The following APOL4 variants were observed in gnomAD, a reference collection of about 807,000 sequenced individuals.
APOL4 encodes the protein apolipoprotein L, 4.
APOL4 carries 14 observed loss-of-function variants against 12.1 expected under a neutral mutation model. The ratio of observed to expected loss-of-function variants is 1.16; its 90% confidence interval spans 0.76 to 1.81. The LOEUF (loss-of-function observed/expected upper bound fraction) is 1.81. Among genes scored for constraint, APOL4 ranks in the 40% most tolerant of loss-of-function variants. The pLI, the probability that APOL4 is intolerant of heterozygous loss-of-function variation, is 0.00. For missense variants in APOL4, 432 were observed against 423.1 expected (o/e 1.02, Z -0.18); for synonymous variants, 171 against 160.6 (o/e 1.06, Z -0.49).
chr22:36,197,748 A>T (rs1440377422), intron 2 of APOL4: 1 of 1,550,360 alleles, frequency 6.5e-7, no homozygotes. Context: ...CAAGAACTCC[A>T]GGCAGCAGGT....
intron 2 of APOL4, chr22:36,197,779 G>A: frequency 6.4e-7 from 1 of 1,550,466 alleles, no homozygotes; most frequent in Non-Finnish European, 8.7e-7. Context: ...GACACAGAAG[G>A]AGCTGCTGTA....
chr22:36,201,703 A>T lies in APOL4; in HGVS notation c.32T>A (p.Val11Asp). The T allele has an allele frequency of 6.2e-7, 1 of 1,607,184 alleles. No individual in the cohort carries two copies. The highest frequency in any genetic ancestry group is 1.7e-5 in the Admixed American group (1 of 59,204). ...AGAGCTGGGGCCTCGGACTCACCCG[A>T]CGCTTGTGATGAGCTGCACCCAGGA... MGSWVQLITS[V>D]GVQQNHPGWT... Residue 11 changes from valine (V) to aspartate (D), a missense_variant, in exon 1 of 4, where the codon GTC becomes GAC. Val to Asp is a radical substitution (Grantham distance 152, BLOSUM62 -3). Coordinates refer to ENST00000683024, the MANE Select transcript of APOL4 (RefSeq NM_001386885.1).
chr22:36,203,804 C>G (rs373070181), upstream of APOL4, among the ~76,000 whole-genome samples: 9 of 152,222 alleles, frequency 5.9e-5, no homozygotes, highest in African/African-American at 2.2e-4. Context: ...GCTGTTGGTT[C>G]GTTCTGGCAG....
upstream of APOL4, among the ~76,000 whole-genome samples, chr22:36,203,422 T>A (rs901415309): frequency 5.3e-5 from 8 of 152,300 alleles, no homozygotes; most frequent in African/African-American, 1.7e-4. Context: ...CATTCGTATG[T>A]AGAAGTACAG....
chr22:36,201,565 G>A lies in APOL4; in HGVS notation c.35+135C>T, dbSNP rs132726. 2.8e-5 allele frequency: 32 copies of A among 1,144,050 alleles called. 2 individuals are homozygous for A. Among genetic ancestry groups the A allele is most frequent in the South Asian group, 1.0e-4 (7 of 69,728 alleles). The allele number at this position is 1,144,050 out of a possible 1,614,324, so 70.9% of individuals were successfully genotyped here. On this transcript the variant is annotated intron_variant, in intron 1 of 3. Coordinates refer to ENST00000683024, the MANE Select transcript of APOL4 (RefSeq NM_001386885.1). ...GGTGACAGGAGAGGGGCATCCCTTC[G>A]CCTTCTTCCTGCTTTGTTCACTGTG...
At position 36,190,953 on chromosome 22, in the gene APOL4, T is replaced by C; in HGVS notation, c.*122A>G. On this transcript the variant is annotated 3_prime_UTR_variant, in exon 4 of 4. Transcript: ENST00000683024. ...TGCGGTAAAGACAGGCATAGGAAAT[T>C]ATAAAAGTATTAATTTGGGGAACTA... 1.1e-6 allele frequency: 1 copy of C among 897,004 alleles called. No individual in the cohort carries two copies. The highest frequency in any genetic ancestry group is 1.7e-6 in the Non-Finnish European group (1 of 605,962). The allele number at this position is 897,004 out of a possible 1,614,324, so 55.6% of individuals were successfully genotyped here. A position where few individuals can be genotyped will look rare whatever the true frequency, so the allele number is the denominator to read the frequency against.
At position 36,189,499 on chromosome 22, in the gene APOL4, A is replaced by C. The variant is rs1359734744; in HGVS notation, c.*1576T>G. 1 of 152,250 alleles carries C rather than the reference A, an allele frequency of 6.6e-6. No individual in the cohort carries two copies. The highest frequency in any genetic ancestry group is 1.5e-5 in the Non-Finnish European group (1 of 68,066). The allele number at this position is 152,250 out of a possible 1,614,324, so 9.4% of individuals were successfully genotyped here. ...CCCCCGGGAGGACAAGGGAGAGTGG[A>C]TGCTGGTAAGACAGGGTGAGAGACC... On this transcript the variant is annotated 3_prime_UTR_variant, in exon 4 of 4. Coordinates refer to ENST00000683024, the MANE Select transcript of APOL4 (RefSeq NM_001386885.1).
At chr22:36,202,082 C>G, upstream of APOL4, 1 of 1,613,212 alleles carries the variant, frequency 6.2e-7, no homozygotes, top group Non-Finnish European at 8.5e-7. Context: ...GGGGTTGAGA[C>G]AGTGTGCTCC....
intron 2 of APOL4, among the ~76,000 whole-genome samples, chr22:36,197,242 C>T (rs2014438102): frequency 6.6e-6 from 1 of 152,190 alleles, no homozygotes; most frequent in African/African-American, 2.4e-5. Flanking sequence ...GGACAGGACT[C>T]AGCACAGCCC....
Position 36,191,531 on chromosome 22 carries a change from T to C in APOL4, c.591A>G (p.Ala197=), listed in dbSNP as rs760431363. The C allele has an allele frequency of 1.1e-5, 17 of 1,613,946 alleles. No homozygotes were observed. The highest frequency in any genetic ancestry group is 1.4e-5 in the Non-Finnish European group (16 of 1,179,908). The part of the protein sequence containing the change: ...SIVENTYTRS[A]ELTASRLTAT... Reference sequence around the variant, plus strand: ...CAGTCAGCCTGCTGGCTGTGAGTTCTGCTGACCTTGTGTATGTGTTCTCCA... The same window carrying C: ...CAGTCAGCCTGCTGGCTGTGAGTTCCGCTGACCTTGTGTATGTGTTCTCCA... Residue 197 remains alanine (A), a synonymous_variant, in exon 4 of 4, where the codon GCA becomes GCG. Coordinates refer to ENST00000683024, the MANE Select transcript of APOL4 (RefSeq NM_001386885.1).
At chr22:36,199,567 C>A in intron 1 of APOL4, 191 bp from the exon 2 acceptor site, 1 of 1,565,938 alleles carries the variant, frequency 6.4e-7, no homozygotes, top group Admixed American at 1.9e-5. Context: ...CATTCCAGCT[C>A]CCTCTTCCCT....
At chr22:36,199,890 C>A (rs59250221) in intron 1 of APOL4, among the ~76,000 whole-genome samples, 2 of 152,048 alleles carry the variant, frequency 1.3e-5, no homozygotes, top group African/African-American at 4.8e-5. Flanking sequence ...TCACTGCAAG[C>A]GCCGCCTCCC....
chr22:36,204,778 C>T, upstream of APOL4: 1 of 248,620 alleles, frequency 4.0e-6, no homozygotes, highest in Non-Finnish European at 8.0e-6. Context: ...ATGAAAGTCA[C>T]AACTTCCCAG....
intron 3 of APOL4, among the ~76,000 whole-genome samples, chr22:36,193,328 G>C (rs187651224): frequency 8.4e-4 from 128 of 152,250 alleles, no homozygotes; most frequent in Non-Finnish European, 1.5e-3. Context: ...CTGAATAAAG[G>C]CTTCCTTCCT....
chr22:36,197,277 G>A (rs563949295), intron 2 of APOL4, among the ~76,000 whole-genome samples: 1 of 152,322 alleles, frequency 6.6e-6, no homozygotes, highest in Admixed American at 6.5e-5. Context: ...GGCGGCCCCT[G>A]AGCAGAGCTG....
At chr22:36,200,200 C>A (rs973020283) in intron 1 of APOL4, among the ~76,000 whole-genome samples, 16 of 152,220 alleles carry the variant, frequency 1.1e-4, no homozygotes, top group African/African-American at 3.6e-4. Flanking sequence ...ACAGAGGAAT[C>A]CACAAAAGTT....
intron 1 of APOL4, among the ~76,000 whole-genome samples, chr22:36,200,638 T>A (rs1380633330): frequency 6.6e-6 from 1 of 152,234 alleles, no homozygotes; most frequent in Admixed American, 6.5e-5. Flanking sequence ...CACATTTGAT[T>A]TTATTTCCTT....
upstream of APOL4, among the ~76,000 whole-genome samples, chr22:36,202,988 T>C (rs925887429): frequency 3.3e-5 from 5 of 152,220 alleles, no homozygotes; most frequent in African/African-American, 9.6e-5. Flanking sequence ...GGTTTGATTC[T>C]GCTTCTACAA....
At position 36,191,617 on chromosome 22, in the gene APOL4, T is replaced by A. The variant is rs2014253253; in HGVS notation, c.505A>T (p.Thr169Ser). The change falls in exon 4 of 4, where the codon ACT becomes TCT. Residue 169 changes from threonine (T) to serine (S), a missense_variant. By Grantham distance (58) the Thr-to-Ser change is moderately conservative. Coordinates refer to ENST00000683024, the MANE Select transcript of APOL4 (RefSeq NM_001386885.1). ...PFTAGLSLSI[T>S]AAGVGLGIAS... is the part of the protein sequence containing the mutation. ...ATTCCCAGCCCTACCCCAGCTGCAG[T>A]AATGCTCAGGCTCAGCCCTGCTGTA... is the stretch of plus-strand genomic sequence containing the variant. 4.3e-6 allele frequency: 7 copies of A among 1,613,638 alleles called. No individual in the cohort carries two copies. The East Asian group carries it at 1.6e-4, about 36-fold the overall frequency.
Sources: allele counts gnomAD v4.1 joint callset (sites outside exome capture counted in the v4.1 genomes callset), GRCh38; gene constraint gnomAD v4.1.1; transcripts MANE v1.5; gene names NCBI Gene and HGNC (gene_info 2026-07-23, HGNC 2026-07-21).